Variants in SLC48A1 observed in about 807,000 individuals in gnomAD.
The protein encoded by SLC48A1 is heme transporter HRG1.
Under a neutral mutation model 14.8 loss-of-function variants are expected in SLC48A1, and 6 were observed. The ratio of observed to expected loss-of-function variants is 0.41; its 90% CI spans 0.22 to 0.80. The LOEUF (loss-of-function observed/expected upper bound fraction) is 0.80. SLC48A1 is among the 30% of genes least tolerant of loss of function. The pLI, the probability that SLC48A1 is intolerant of heterozygous loss-of-function variation, is 0.34. For missense variants in SLC48A1, 165 were observed against 204.8 expected (o/e 0.81, Z 1.19); for synonymous variants, 89 against 90.0 (o/e 0.99, Z 0.06).
upstream of SLC48A1, chr12:47,773,171 T>TG: frequency 1.0e-6 from 1 of 984,728 alleles, no homozygotes; most frequent in Non-Finnish European, 1.2e-6. Flanking sequence ...CGGGCGGCGC[T>TG]GGGGGCGGGC....
chr12:47,758,440 C>G (rs1232041985), upstream of SLC48A1: 5 of 1,575,474 alleles, frequency 3.2e-6, no homozygotes, highest in East Asian at 1.1e-4. Context: ...CCCTTCTCCT[C>G]TCCTCCTCAG....
At chr12:47,763,255 G>T (rs1256472588) in intron 2 of SLC48A1, among the ~76,000 whole-genome samples, 1 of 152,182 alleles carries the variant, frequency 6.6e-6, no homozygotes, top group East Asian at 1.9e-4. Flanking sequence ...TGTGCTGTCA[G>T]CTTTGTTCAC....
upstream of SLC48A1, among the ~76,000 whole-genome samples, chr12:47,770,696 A>T (rs915594974): frequency 2.0e-5 from 3 of 152,198 alleles, no homozygotes; most frequent in Non-Finnish European, 1.5e-5. Flanking sequence ...CTCTGGCCAT[A>T]GTTCTAAAAC....
chr12:47,759,042 G>A (rs1311766019), intron 1 of SLC48A1: 2 of 988,442 alleles, frequency 2.0e-6, no homozygotes. Flanking sequence ...CCGCACCCGG[G>A]GGTACCAGAG....
chr12:47,776,736 C>T (rs1942763098), intron 1 of SLC48A1, among the ~76,000 whole-genome samples: 1 of 152,172 alleles, frequency 6.6e-6, no homozygotes, highest in Non-Finnish European at 1.5e-5. Flanking sequence ...CCCTCCTGCC[C>T]TCAGCCCTCT....
At chr12:47,760,565 G>A (rs1161276005) in intron 2 of SLC48A1, among the ~76,000 whole-genome samples, 3 of 152,054 alleles carry the variant, frequency 2.0e-5, no homozygotes, top group African/African-American at 7.2e-5. Flanking sequence ...TGGGCAGGTG[G>A]AAGATGCTGG....
At chr12:47,758,621 C>T (rs1428013824) in exon 1 of SLC48A1, 1 of 1,608,610 alleles carries the variant, frequency 6.2e-7, no homozygotes, top group Non-Finnish European at 8.5e-7. Context: ...CCCAGCGACC[C>T]CCATCAGCTT....
At chr12:47,761,853 T>C (rs568309893) in intron 2 of SLC48A1, among the ~76,000 whole-genome samples, 1 of 152,030 alleles carries the variant, frequency 6.6e-6, no homozygotes, top group African/African-American at 2.4e-5. Flanking sequence ...TGAGATAAGG[T>C]TGTTATTTTT....
At position 47,777,459 on chromosome 12, in the gene SLC48A1, G is replaced by A. The variant is rs553539642; in HGVS notation, c.137-1569G>A. Among the ~76,000 whole-genome samples the A allele has an allele frequency of 6.6e-6, 1 of 152,276 alleles. No homozygotes were observed. Among genetic ancestry groups the A allele is most frequent in the Non-Finnish European group, 1.5e-5 (1 of 68,032 alleles). On this transcript the variant is annotated intron_variant, in intron 1 of 2. Coordinates refer to ENST00000442218, the MANE Select transcript of SLC48A1 (RefSeq NM_017842.3). The surrounding 1 kb of genome is among the most constrained non-coding windows in gnomAD (Gnocchi z 4.5). ...ACCCTGGGCCCAGTTACCTAAACTG[G>A]CAGGACCCCTGGGCCCACCCATTTT...
At chr12:47,757,633 A>T (rs186079391), upstream of SLC48A1, among the ~76,000 whole-genome samples, 6 of 151,988 alleles carry the variant, frequency 3.9e-5, no homozygotes, top group African/African-American at 1.5e-4. Flanking sequence ...CCTTCCCCCC[A>T]TGCCCAAACA....
chr12:47,766,165 A>G (rs887457115), intron 2 of SLC48A1, among the ~76,000 whole-genome samples: 1 of 152,218 alleles, frequency 6.6e-6, no homozygotes, highest in Non-Finnish European at 1.5e-5. Context: ...CAGCTGGACT[A>G]GAGGGGGACC....
At chr12:47,758,230 C>G (rs1942215105), upstream of SLC48A1, 1 of 1,435,256 alleles carries the variant, frequency 7.0e-7, no homozygotes, top group South Asian at 1.5e-5. Flanking sequence ...GGGGGAGGAA[C>G]AGGAAGACCT....
chr12:47,758,069 G>C (rs747203004), upstream of SLC48A1: 1 of 1,564,986 alleles, frequency 6.4e-7, no homozygotes, highest in Admixed American at 1.9e-5. Flanking sequence ...CTCTCACCTG[G>C]CCAGCCCACC....
At chr12:47,758,241 TC>T (rs1942217555), upstream of SLC48A1, 1 of 1,433,748 alleles carries the variant, frequency 7.0e-7, no homozygotes, top group East Asian at 2.5e-5. Flanking sequence ...AGGAAGACCT[TC>T]ACTGGGGCCT....
chr12:47,767,075 C>A (rs918991641), upstream of SLC48A1, among the ~76,000 whole-genome samples: 1 of 151,936 alleles, frequency 6.6e-6, no homozygotes, highest in African/African-American at 2.4e-5. Flanking sequence ...GGCGAAGCTG[C>A]AGGAGGGGGG....
chr12:47,779,194 G>A lies in SLC48A1; in HGVS notation c.303G>A (p.Gln101=). Reference sequence around the variant, plus strand: ...TCGTGCTGGCCATCACCCGGCATCAGAGTGAGGGCGGGTCCCAGGGAAAGA... The same window carrying A: ...TCGTGCTGGCCATCACCCGGCATCAAAGTGAGGGCGGGTCCCAGGGAAAGA... ...TFLVLAITRH[Q]SLTDPTSYYL... is the part of the protein sequence containing the mutation. The change falls in exon 2 of 3, where the codon CAG becomes CAA. Residue 101 remains glutamine (Q), a splice_region_variant and synonymous_variant. Coordinates refer to ENST00000442218, the MANE Select transcript of SLC48A1 (RefSeq NM_017842.3). The A allele has an allele frequency of 6.4e-7, 1 of 1,550,814 alleles. No homozygotes were observed. The highest frequency in any genetic ancestry group is 8.7e-7 in the Non-Finnish European group (1 of 1,146,422).
chr12:47,776,830 G>A (rs1184006475), intron 1 of SLC48A1, among the ~76,000 whole-genome samples: 1 of 152,210 alleles, frequency 6.6e-6, no homozygotes, highest in African/African-American at 2.4e-5. Flanking sequence ...CATCTTCACA[G>A]GCCCCTATTT....
intron 1 of SLC48A1, among the ~76,000 whole-genome samples, chr12:47,774,597 T>C (rs1592606512): frequency 6.6e-6 from 1 of 152,218 alleles, no homozygotes; most frequent in Non-Finnish European, 1.5e-5. Context: ...ATAACTAATT[T>C]ACTCACTGCC....
upstream of SLC48A1, among the ~76,000 whole-genome samples, chr12:47,757,546 C>T (rs960267689): frequency 2.0e-5 from 3 of 152,196 alleles, no homozygotes; most frequent in Non-Finnish European, 1.5e-5. Flanking sequence ...CCTCCCACCT[C>T]CACCTGGAAA....
Sources: gnomAD v4.1 joint callset for allele counts (sites outside exome capture counted in the v4.1 genomes callset) on GRCh38, gnomAD v4.1.1 for gene constraint, Gnocchi (gnomAD v3.1) non-coding constraint, MANE v1.5 for transcripts, NCBI Gene and HGNC (gene_info 2026-07-23, HGNC 2026-07-21) for gene names.